The following CCBE1 variants were observed in gnomAD, a reference collection of about 807,000 sequenced individuals.
The protein encoded by CCBE1 is collagen and calcium-binding EGF domain-containing protein 1.
In CCBE1, 37 loss-of-function variants were observed where a neutral mutation model predicts 50.0. That is an observed-to-expected ratio of 0.74 (90% CI 0.57 to 0.97). CCBE1 has a LOEUF of 0.97. CCBE1 is among the 50% of genes least tolerant of loss of function. CCBE1 has a pLI of 0.00. For synonymous variants in CCBE1, 234 were observed against 203.7 expected, an observed-to-expected ratio of 1.15 and a Z score of -1.27; for missense variants, 538 against 523.8, an observed-to-expected ratio of 1.03 and a Z score of -0.26.
chr18:59,614,158 G>A (rs759806557), intron 2 of CCBE1, among the ~76,000 whole-genome samples: 22 of 151,906 alleles, frequency 1.4e-4, no homozygotes, highest in African/African-American at 4.4e-4. Flanking sequence ...GCCACACACC[G>A]CCATGCCCCG....
chr18:59,688,275 T>G, intron 2 of CCBE1: 1 of 152,120 alleles, frequency 6.6e-6, no homozygotes, highest in East Asian at 1.9e-4. Context: ...GTAGCAAGAA[T>G]CCATCTCTAC....
At chr18:59,517,797 A>G (rs1379844175) in intron 2 of CCBE1, among the ~76,000 whole-genome samples, 3 of 152,264 alleles carry the variant, frequency 2.0e-5, no homozygotes, top group African/African-American at 7.2e-5. Context: ...GTTCAGAGCC[A>G]CAACTACTGA....
intron 2 of CCBE1, among the ~76,000 whole-genome samples, chr18:59,680,071 A>G (rs969753220): frequency 6.6e-6 from 1 of 151,924 alleles, no homozygotes; most frequent in African/African-American, 2.4e-5. Context: ...AAATACAAAA[A>G]TCAGCCGGGC....
chr18:59,492,242 T>A (rs1164919277), intron 2 of CCBE1, among the ~76,000 whole-genome samples: 1 of 150,944 alleles, frequency 6.6e-6, no homozygotes, highest in Non-Finnish European at 1.5e-5. Flanking sequence ...TTGCCTTCTA[T>A]TTTTTTTTCC....
chr18:59,592,741 T>C (rs1483264563), intron 2 of CCBE1, among the ~76,000 whole-genome samples: 3 of 152,206 alleles, frequency 2.0e-5, no homozygotes, highest in Non-Finnish European at 2.9e-5. Flanking sequence ...GTGACACTTC[T>C]CCATATAGTT....
chr18:59,694,761 CA>C (rs1442513466), intron 2 of CCBE1, among the ~76,000 whole-genome samples: 1 of 152,090 alleles, frequency 6.6e-6, no homozygotes, highest in Non-Finnish European at 1.5e-5. Flanking sequence ...AGGATAAGAC[CA>C]ACGGAATACA....
At chr18:59,473,178 G>A (rs1912119353) in intron 3 of CCBE1, among the ~76,000 whole-genome samples, 1 of 152,146 alleles carries the variant, frequency 6.6e-6, no homozygotes, top group African/African-American at 2.4e-5. Flanking sequence ...AGGGGTAAAA[G>A]TTTTGAGATC....
At position 59,435,890 on chromosome 18, in the gene CCBE1, T is replaced by C. The variant is rs777674289; in HGVS notation, c.*18A>G. ...AGTTGATCTTTCTCTTCCTTTGGCG[T>C]GACGGTGTTGGGATGTGCTATGGGT... On this transcript the variant is annotated 3_prime_UTR_variant, in exon 11 of 11. Transcript: ENST00000439986. 1 of 1,602,492 alleles carries C rather than the reference T, an allele frequency of 6.2e-7. No individual in the cohort carries two copies. The highest frequency in any genetic ancestry group is 1.7e-5 in the Admixed American group (1 of 60,014).
At chr18:59,523,664 T>C (rs1914699648) in intron 2 of CCBE1, among the ~76,000 whole-genome samples, 1 of 152,180 alleles carries the variant, frequency 6.6e-6, no homozygotes, top group African/African-American at 2.4e-5. Flanking sequence ...TTTATTTCAC[T>C]TTATTTTGAA....
intron 2 of CCBE1, among the ~76,000 whole-genome samples, chr18:59,687,621 A>C (rs1027488645): frequency 5.3e-5 from 8 of 152,230 alleles, no homozygotes; most frequent in African/African-American, 1.9e-4. Context: ...AGGAGTCTCC[A>C]TGAGCTTTGT....
chr18:59,686,245 T>C (rs996153853), intron 2 of CCBE1: 5 of 152,220 alleles, frequency 3.3e-5, no homozygotes, highest in Non-Finnish European at 7.3e-5. Context: ...GTGACTACTT[T>C]TGAGGACTTG....
intron 2 of CCBE1, among the ~76,000 whole-genome samples, chr18:59,567,653 C>A (rs1461270617): frequency 6.6e-6 from 1 of 152,116 alleles, no homozygotes; most frequent in African/African-American, 2.4e-5. Flanking sequence ...TCACTGACAC[C>A]CCTTCTGTGT....
At chr18:59,573,557 CA>C (rs2052949471) in intron 2 of CCBE1, among the ~76,000 whole-genome samples, 3 of 151,866 alleles carry the variant, frequency 2.0e-5, no homozygotes, top group African/African-American at 7.3e-5. Flanking sequence ...TCCTGACCAA[CA>C]TATAGTCCCC....
At chr18:59,492,649 C>T (rs758766241) in intron 2 of CCBE1, among the ~76,000 whole-genome samples, 19 of 152,096 alleles carry the variant, frequency 1.2e-4, no homozygotes, top group Non-Finnish European at 2.4e-4. Flanking sequence ...AACCTGTATC[C>T]GTGACACCAC....
At chr18:59,662,958 C>T (rs562480480) in intron 2 of CCBE1, among the ~76,000 whole-genome samples, 1 of 152,294 alleles carries the variant, frequency 6.6e-6, no homozygotes, top group African/African-American at 2.4e-5. Flanking sequence ...GGTTCTATCA[C>T]AAAGGCTCAC....
chr18:59,457,285 C>T (rs1228364341), intron 5 of CCBE1, among the ~76,000 whole-genome samples: 2 of 152,120 alleles, frequency 1.3e-5, no homozygotes, highest in African/African-American at 4.8e-5. Flanking sequence ...ACGAGCTGAG[C>T]AGTAAGGGGG....
chr18:59,469,340 T>C, intron 4 of CCBE1, 133 bp downstream of exon 4: 3 of 1,243,482 alleles, frequency 2.4e-6, no homozygotes, highest in Non-Finnish European at 3.5e-6. Context: ...AGGGCAGTGA[T>C]AAGCTATCCC....
Position 59,567,077 on chromosome 18 carries a change from G to A in CCBE1, c.213-86839C>T, listed in dbSNP as rs371239739. On this transcript the variant is annotated intron_variant, in intron 2 of 10. Coordinates refer to ENST00000439986, the MANE Select transcript of CCBE1 (RefSeq NM_133459.4). ...TTCTAAGGTCTCCTCTCATCATGAT[G>A]TCCTGGATTTATTGAAAGAGGTTTT... is the stretch of plus-strand genomic sequence containing the variant. 1.2e-4 allele frequency among the ~76,000 whole-genome samples: 19 copies of A among 152,224 alleles called. No individual in the cohort carries two copies. The South Asian group carries it at 3.9e-3, about 32-fold the overall frequency.
chr18:59,675,949 C>A (rs1160598507), intron 2 of CCBE1, among the ~76,000 whole-genome samples: 1 of 152,116 alleles, frequency 6.6e-6, no homozygotes, highest in Non-Finnish European at 1.5e-5. Context: ...AATAAAGGAC[C>A]TACAGTTAAT....
Sources: allele counts gnomAD v4.1 joint callset (sites outside exome capture counted in the v4.1 genomes callset), GRCh38; gene constraint gnomAD v4.1.1; transcripts MANE v1.5; gene names NCBI Gene and HGNC (gene_info 2026-07-23, HGNC 2026-07-21).